PTK2: variants seen among roughly 807,000 people sequenced by gnomAD.
PTK2 encodes the protein protein tyrosine kinase 2, also known as focal adhesion kinase 1.
Under a neutral mutation model 150.1 loss-of-function variants are expected in PTK2, and 45 were observed. The ratio of observed to expected loss-of-function variants is 0.30; its 90% CI spans 0.24 to 0.38. The LOEUF is 0.38. Ranked by LOEUF, PTK2 falls within the 10% of genes least tolerant of loss-of-function variation. The pLI, the probability that PTK2 is intolerant of heterozygous loss-of-function variation, is 1.00. For missense variants in PTK2, 919 were observed against 1,307.3 expected (o/e 0.70, Z 4.58); for synonymous variants, 432 against 449.2 (o/e 0.96, Z 0.48).
At chr8:140,814,912 C>G (rs889041897) in intron 10 of PTK2, among the ~76,000 whole-genome samples, 1 of 151,946 alleles carries the variant, frequency 6.6e-6, no homozygotes, top group Non-Finnish European at 1.5e-5. Context: ...GTAGCTGGGA[C>G]TACAGGCGCA....
intron 1 of PTK2, among the ~76,000 whole-genome samples, chr8:140,929,187 G>A (rs547498821): frequency 4.0e-5 from 6 of 150,942 alleles, no homozygotes; most frequent in Admixed American, 6.6e-5. Context: ...GGATGGTCTC[G>A]ATCTCCTGAC....
chr8:140,804,462 C>T (rs529235735), intron 10 of PTK2, among the ~76,000 whole-genome samples: 1 of 152,092 alleles, frequency 6.6e-6, no homozygotes, highest in African/African-American at 2.4e-5. Flanking sequence ...GTGGTCTGTG[C>T]CTGTAGACCC....
At chr8:140,763,197 G>A (rs1354664240) in intron 15 of PTK2, among the ~76,000 whole-genome samples, 1 of 152,202 alleles carries the variant, frequency 6.6e-6, no homozygotes, top group Non-Finnish European at 1.5e-5. Flanking sequence ...CCTGAAAGGG[G>A]ACATGGGCCC....
intron 31 of PTK2, 52 bp downstream of exon 35, chr8:140,664,865 G>A: frequency 1.3e-6 from 2 of 1,552,432 alleles, no homozygotes; most frequent in Admixed American, 3.4e-5. Context: ...CCCTGAATGT[G>A]TCCCTGCCCA....
intron 21 of PTK2, among the ~76,000 whole-genome samples, chr8:140,738,521 A>T (rs951246252): frequency 1.1e-4 from 17 of 152,230 alleles, no homozygotes; most frequent in Admixed American, 1.0e-3. Context: ...TTATCAAAAA[A>T]GCAGAAGCTA....
chr8:140,952,839 A>G (rs937971976), intron 1 of PTK2, among the ~76,000 whole-genome samples: 3 of 149,946 alleles, frequency 2.0e-5, no homozygotes, highest in African/African-American at 4.9e-5. Context: ...ACTGTGAAAC[A>G]TGCACCAAGA....
At chr8:140,949,157 TTTC>T (rs1393580509) in intron 1 of PTK2, among the ~76,000 whole-genome samples, 5 of 152,318 alleles carry the variant, frequency 3.3e-5, no homozygotes, top group African/African-American at 9.6e-5. Flanking sequence ...TTTCTTAATA[TTTC>T]TTATGATCTT....
intron 5 of PTK2, among the ~76,000 whole-genome samples, chr8:140,851,796 T>C (rs1268873897): frequency 6.6e-6 from 1 of 150,866 alleles, no homozygotes; most frequent in Non-Finnish European, 1.5e-5. Flanking sequence ...GAGGCAGAGG[T>C]TGCAGTGAGC....
chr8:140,947,620 G>C lies in PTK2; in HGVS notation c.-121-21871C>G, dbSNP rs534099956. Among the ~76,000 whole-genome samples, 219 of 151,948 alleles carry C rather than the reference G, an allele frequency of 1.4e-3. 4 individuals carry two copies. The highest frequency in any genetic ancestry group is 1.2e-3 in the Admixed American group (19 of 15,262). Reference sequence around the variant, plus strand: ...GAAGACTTCAATGAAACTGAAGTATGCAAGTTTTTTTTTTTAAAGGTAAAT... The same window carrying C: ...GAAGACTTCAATGAAACTGAAGTATCCAAGTTTTTTTTTTTAAAGGTAAAT... On this transcript the variant is annotated intron_variant, in intron 1 of 31. Transcript: ENST00000522684.
intron 4 of PTK2, among the ~76,000 whole-genome samples, chr8:140,873,097 A>G (rs1027054156): frequency 1.3e-5 from 2 of 152,244 alleles, no homozygotes; most frequent in African/African-American, 4.8e-5. Context: ...CCTAGTATAG[A>G]AACTAGAGCT....
At chr8:140,691,201 G>GT (rs1485681615) in intron 26 of PTK2, among the ~76,000 whole-genome samples, 1 of 128,054 alleles carries the variant, frequency 7.8e-6, no homozygotes, top group Non-Finnish European at 1.8e-5. Context: ...GGTTGGGGGT[G>GT]GGGGGTCTCA....
chr8:140,784,032 G>A (rs2100083393), intron 14 of PTK2, among the ~76,000 whole-genome samples: 1 of 152,106 alleles, frequency 6.6e-6, no homozygotes, highest in Non-Finnish European at 1.5e-5. Context: ...GCGTGGTGGT[G>A]CACAACTGTA....
intron 22 of PTK2, among the ~76,000 whole-genome samples, chr8:140,729,279 A>T (rs1026964044): frequency 6.6e-6 from 1 of 152,156 alleles, no homozygotes; most frequent in African/African-American, 2.4e-5. Context: ...AAAAACTCCC[A>T]ACACCCCCCA....
chr8:140,781,224 T>C, intron 14 of PTK2, among the ~76,000 whole-genome samples: 1 of 152,192 alleles, frequency 6.6e-6, no homozygotes. Context: ...AACTGGGCCT[T>C]TTGATGTTAG....
chr8:140,757,234 C>G (rs2100066377), intron 16 of PTK2, among the ~76,000 whole-genome samples: 1 of 152,070 alleles, frequency 6.6e-6, no homozygotes, highest in Non-Finnish European at 1.5e-5. Context: ...GTCACCTTAT[C>G]TCCCCCAATC....
At chr8:140,682,047 C>A (rs1159918683) in intron 27 of PTK2, among the ~76,000 whole-genome samples, 1 of 152,082 alleles carries the variant, frequency 6.6e-6, no homozygotes, top group East Asian at 1.9e-4. Flanking sequence ...AGGCATTCTC[C>A]CCCTGCTACA....
chr8:140,833,438 A>C (rs547894981), intron 7 of PTK2, among the ~76,000 whole-genome samples: 1 of 152,312 alleles, frequency 6.6e-6, no homozygotes, highest in East Asian at 1.9e-4. Context: ...AGCCCACCTA[A>C]GGTACTATGT....
chr8:140,801,144 A>C (rs757656222), intron 11 of PTK2, among the ~76,000 whole-genome samples: 1 of 152,238 alleles, frequency 6.6e-6, no homozygotes, highest in Non-Finnish European at 1.5e-5. Context: ...AGATGTCACC[A>C]AACTCACAGA....
At chr8:140,777,550 AATG>A (rs2100079162) in intron 14 of PTK2, among the ~76,000 whole-genome samples, 1 of 152,248 alleles carries the variant, frequency 6.6e-6, no homozygotes. Flanking sequence ...CAAATATCCA[AATG>A]ATATCAGTTG....
Sources: allele counts gnomAD v4.1 joint callset (sites outside exome capture counted in the v4.1 genomes callset), GRCh38; gene constraint gnomAD v4.1.1; transcripts MANE v1.5; gene names NCBI Gene and HGNC (gene_info 2026-07-23, HGNC 2026-07-21).